The following BCL7C variants were observed in gnomAD, a reference collection of about 807,000 sequenced individuals.
BCL7C encodes the protein B-cell CLL/lymphoma 7 protein family member C.
A neutral mutation model predicts 26.2 loss-of-function variants in BCL7C; 8 were observed. The observed-to-expected ratio is 0.30, with a 90% CI of 0.18 to 0.55. The LOEUF (loss-of-function observed/expected upper bound fraction) is 0.55, where lower values mean the gene tolerates loss of function less well. Ranked by LOEUF, BCL7C falls within the 20% of genes least tolerant of loss-of-function variation. The pLI is 0.93. For missense variants in BCL7C, 262 were observed against 298.5 expected (o/e 0.88, Z 0.90); for synonymous variants, 90 against 116.5 (o/e 0.77, Z 1.47).
intron 5 of BCL7C, among the ~76,000 whole-genome samples, chr16:30,840,070 C>G (rs1178371496): frequency 3.9e-5 from 6 of 152,038 alleles, no homozygotes; most frequent in African/African-American, 1.4e-4. Flanking sequence ...TCCCCCACCT[C>G]CTGACTTACT....
chr16:30,864,970 C>CTATTCCAAACCCATAAGAACTAATGATA (rs2054812553), intron 5 of BCL7C, among the ~76,000 whole-genome samples: 1 of 151,644 alleles, frequency 6.6e-6, no homozygotes, highest in Non-Finnish European at 1.5e-5. Flanking sequence ...AGATCGAGAT[C>CTATTCCAAACCCATAAGAACTAATGATA]ATCCTGGCTA....
chr16:30,845,243 C>T (rs2054626818), intron 5 of BCL7C, among the ~76,000 whole-genome samples: 1 of 152,238 alleles, frequency 6.6e-6, no homozygotes. Flanking sequence ...GCTTCTGTAG[C>T]AGTCTAGCTT....
Position 30,847,920 on chromosome 16 carries a change from G to A in BCL7C, c.529-12772C>T, listed in dbSNP as rs575193161. Reference sequence around the variant, plus strand: ...AATAATTGCAGGACATTGTTGATACGTTAGCAGAAAACTAGGGTGTATGGG... The same window carrying A: ...AATAATTGCAGGACATTGTTGATACATTAGCAGAAAACTAGGGTGTATGGG... On this transcript the variant is annotated intron_variant, in intron 5 of 5. Coordinates refer to the BCL7C transcript ENST00000380317. Among the ~76,000 whole-genome samples, 12 of 152,182 alleles carry A rather than the reference G, an allele frequency of 7.9e-5. No individual in the cohort carries two copies. The South Asian group carries it at 2.3e-3, about 29-fold the overall frequency.
intron 5 of BCL7C, among the ~76,000 whole-genome samples, chr16:30,868,390 G>A (rs2143021896): frequency 6.7e-6 from 1 of 149,976 alleles, no homozygotes; most frequent in East Asian, 2.0e-4. Flanking sequence ...GCCCACCTCG[G>A]CCTCCCAAAG....
At chr16:30,866,025 T>G (rs2335013) in intron 5 of BCL7C, among the ~76,000 whole-genome samples, 111,284 of 151,618 alleles carry the variant, frequency 0.73, 41,349 homozygotes, top group East Asian at 0.91. Flanking sequence ...GTGAGCCACC[T>G]CGCCCGGCCA....
chr16:30,844,139 C>T (rs557631331), intron 5 of BCL7C, among the ~76,000 whole-genome samples: 1 of 148,146 alleles, frequency 6.8e-6, no homozygotes, highest in African/African-American at 2.5e-5. Context: ...ATCACAAGGT[C>T]AAGAGATCAA....
Position 30,888,938 on chromosome 16 carries a change from C to T in BCL7C, c.450G>A (p.Gly150=), listed in dbSNP as rs1477003560. The change falls in exon 5 of 6, where the codon GGG becomes GGA. Residue 150 remains glycine (G), a synonymous_variant. Coordinates refer to ENST00000215115, the MANE Select transcript of BCL7C (RefSeq NM_004765.4). ...CGTCGGTGCTGCCAGCAGTTATGCC[C>T]CCGGGATCTGGAACGTCAAGGTAAC... ...PPRLGQERDP[G]GITAGSTDEP... is the part of the protein sequence containing the mutation. 1.9e-6 allele frequency: 3 copies of T among 1,613,960 alleles called. No homozygotes were observed. Among genetic ancestry groups the T allele is most frequent in the Non-Finnish European group, 2.5e-6 (3 of 1,179,900 alleles).
At chr16:30,847,443 C>T (rs978519049) in intron 5 of BCL7C, among the ~76,000 whole-genome samples, 1 of 152,138 alleles carries the variant, frequency 6.6e-6, no homozygotes, top group African/African-American at 2.4e-5. Context: ...AAAGTGGATG[C>T]TCATACCCTC....
At chr16:30,873,878 T>C (rs2054904624) in intron 5 of BCL7C, among the ~76,000 whole-genome samples, 1 of 146,428 alleles carries the variant, frequency 6.8e-6, no homozygotes, top group South Asian at 2.2e-4. Context: ...CAGATATATA[T>C]ACACACACAC....
At chr16:30,884,492 G>GT (rs71149066), downstream of BCL7C, among the ~76,000 whole-genome samples, 1,563 of 98,214 alleles carry the variant, frequency 0.016, 31 homozygotes, top group African/African-American at 0.026. Context: ...ATCTCCATTT[G>GT]TTTTTTTTTT....
chr16:30,833,938 C>T (rs962597502), exon 6 of BCL7C: 1 of 152,238 alleles, frequency 6.6e-6, no homozygotes, highest in African/African-American at 2.4e-5. Context: ...GGTTCCTTAA[C>T]CTCTCAGAGA....
At chr16:30,852,939 T>A (rs1468133509) in intron 5 of BCL7C, among the ~76,000 whole-genome samples, 1 of 151,132 alleles carries the variant, frequency 6.6e-6, no homozygotes, top group African/African-American at 2.5e-5. Context: ...CTATTTTATT[T>A]TATTTATTTT....
At chr16:30,860,057 TGCTACCCTTCAATCTCCCTCTCTC>T (rs57050847) in intron 5 of BCL7C, among the ~76,000 whole-genome samples, 110,612 of 151,606 alleles carry the variant, frequency 0.73, 40,918 homozygotes, top group East Asian at 0.91. Flanking sequence ...CAGCCTCTCT[TGCTACCCTTCAATCTCCCTCTCTC>T]GCTACCCTTC....
At chr16:30,883,719 G>C (rs1293538983), downstream of BCL7C, among the ~76,000 whole-genome samples, 1 of 147,878 alleles carries the variant, frequency 6.8e-6, no homozygotes, top group African/African-American at 2.5e-5. Flanking sequence ...GTTTCACCGT[G>C]TTAGCCAGGC....
intron 5 of BCL7C, among the ~76,000 whole-genome samples, chr16:30,853,230 A>G (rs1213823170): frequency 6.6e-6 from 1 of 152,056 alleles, no homozygotes; most frequent in Non-Finnish European, 1.5e-5. Flanking sequence ...GAGCCACTGC[A>G]CCCGGCCAAC....
chr16:30,837,390 T>G (rs1184226808), intron 5 of BCL7C, among the ~76,000 whole-genome samples: 2 of 151,910 alleles, frequency 1.3e-5, no homozygotes, highest in Non-Finnish European at 2.9e-5. Context: ...AGTTTTGCTC[T>G]TGTTGCCCAG....
At chr16:30,868,904 C>T (rs1249316118) in intron 5 of BCL7C, among the ~76,000 whole-genome samples, 1 of 151,854 alleles carries the variant, frequency 6.6e-6, no homozygotes, top group African/African-American at 2.4e-5. Context: ...TCTGCTTTAC[C>T]TCCCTTCTCA....
exon 6 of BCL7C, chr16:30,835,056 C>A: frequency 2.6e-6 from 4 of 1,548,816 alleles, no homozygotes; most frequent in Non-Finnish European, 3.5e-6. Flanking sequence ...GGACATTTGT[C>A]CGGAGGCCCC....
chr16:30,856,462 T>G (rs959485863), intron 5 of BCL7C, among the ~76,000 whole-genome samples: 6 of 128,230 alleles, frequency 4.7e-5, no homozygotes, highest in Non-Finnish European at 5.1e-5. Context: ...AAAAAAAAAG[T>G]GTGGCAGCTC....
Sources: gnomAD v4.1 joint callset for allele counts (sites outside exome capture counted in the v4.1 genomes callset) on GRCh38, gnomAD v4.1.1 for gene constraint, MANE v1.5 for transcripts, NCBI Gene and HGNC (gene_info 2026-07-23, HGNC 2026-07-21) for gene names.